NEK11: variants seen among roughly 807,000 people sequenced by gnomAD.
NEK11 encodes the protein serine/threonine-protein kinase Nek11.
Under a neutral mutation model 80.7 loss-of-function variants are expected in NEK11, and 72 were observed. That is an observed-to-expected ratio of 0.89 (90% confidence interval 0.74 to 1.08). The LOEUF (loss-of-function observed/expected upper bound fraction) is 1.08, where lower values mean the gene tolerates loss of function less well. NEK11 is among the 50% of genes least tolerant of loss of function. NEK11 has a pLI of 0.00. For synonymous variants in NEK11, 251 were observed against 260.7 expected (o/e 0.96, Z 0.36); for missense variants, 764 against 763.6 (o/e 1.00, Z -0.01).
intron 17 of NEK11, among the ~76,000 whole-genome samples, chr3:131,332,434 C>A (rs1487332640): frequency 1.5e-4 from 23 of 152,148 alleles, no homozygotes; most frequent in Non-Finnish European, 3.2e-4. Context: ...AACTAACAAA[C>A]AGAAAGGACA....
chr3:131,085,498 G>T lies in NEK11; in HGVS notation c.336+4910G>T, dbSNP rs540446940. Among the ~76,000 whole-genome samples, 6 of 152,274 alleles carry T rather than the reference G, an allele frequency of 3.9e-5. No individual in the cohort carries two copies. The South Asian group carries it at 1.0e-3, about 26-fold the overall frequency. On this transcript the variant is annotated intron_variant, in intron 4 of 17. Transcript: ENST00000383366. ...GAGTGTGGTATGTGTTATGGGAAGG[G>T]TATGGTTAAAGTGCTGTGGGGGTAA...
chr3:131,277,561 C>T (rs182370138), intron 17 of NEK11, among the ~76,000 whole-genome samples: 17 of 152,334 alleles, frequency 1.1e-4, no homozygotes, highest in East Asian at 5.8e-4. Flanking sequence ...ATGACTTTGT[C>T]GTCTCCTCTA....
intron 3 of NEK11, among the ~76,000 whole-genome samples, chr3:131,058,553 T>G (rs1227330802): frequency 6.6e-6 from 1 of 152,176 alleles, no homozygotes; most frequent in African/African-American, 2.4e-5. Context: ...AAGAAAGCTG[T>G]GGGTGTAATA....
chr3:131,307,437 A>T (rs2096734150), intron 17 of NEK11, among the ~76,000 whole-genome samples: 1 of 152,250 alleles, frequency 6.6e-6, no homozygotes. Flanking sequence ...TTGCCAGTTG[A>T]TGCATATGTG....
intron 5 of NEK11, among the ~76,000 whole-genome samples, chr3:131,111,141 A>T (rs928653380): frequency 2.0e-5 from 3 of 152,180 alleles, no homozygotes; most frequent in African/African-American, 7.2e-5. Context: ...TCTATGCACA[A>T]AATACAAAAC....
At chr3:131,091,512 T>C (rs2076725056) in intron 4 of NEK11, among the ~76,000 whole-genome samples, 1 of 152,172 alleles carries the variant, frequency 6.6e-6, no homozygotes, top group Non-Finnish European at 1.5e-5. Flanking sequence ...CAACAATAAA[T>C]GTCACTCAGA....
intron 3 of NEK11, among the ~76,000 whole-genome samples, chr3:131,064,736 A>G (rs1402623215): frequency 1.3e-5 from 2 of 152,186 alleles, no homozygotes; most frequent in African/African-American, 4.8e-5. Flanking sequence ...TCTCAATAAA[A>G]CTGTTAGTAA....
intron 3 of NEK11, among the ~76,000 whole-genome samples, chr3:131,067,282 C>A (rs113299124): frequency 6.6e-6 from 1 of 152,148 alleles, no homozygotes; most frequent in African/African-American, 2.4e-5. Context: ...GCCCCATACA[C>A]GTGCACTGAA....
chr3:131,338,846 T>A (rs1449462158), intron 17 of NEK11, among the ~76,000 whole-genome samples: 1 of 152,186 alleles, frequency 6.6e-6, no homozygotes, highest in Non-Finnish European at 1.5e-5. Flanking sequence ...AGGGAGGACT[T>A]GGTTACAAAA....
At chr3:131,287,270 T>C (rs1202309633) in intron 17 of NEK11, among the ~76,000 whole-genome samples, 1 of 152,058 alleles carries the variant, frequency 6.6e-6, no homozygotes, top group Admixed American at 6.5e-5. Context: ...CAAAGATGTT[T>C]CTTTGTTTGT....
intron 14 of NEK11, among the ~76,000 whole-genome samples, chr3:131,204,607 C>T (rs138124680): frequency 9.3e-5 from 14 of 151,086 alleles, no homozygotes. Context: ...CACATTTGGT[C>T]ACAGGTGTCT....
intron 7 of NEK11, among the ~76,000 whole-genome samples, chr3:131,135,191 AACATTGTCAAGATT>A (rs2085324796): frequency 6.6e-6 from 1 of 152,224 alleles, no homozygotes; most frequent in Non-Finnish European, 1.5e-5. Context: ...AATGGGAGAG[AACATTGTCAAGATT>A]AGGTCTGGGT....
intron 17 of NEK11, among the ~76,000 whole-genome samples, chr3:131,279,949 G>A (rs981989422): frequency 6.6e-6 from 1 of 152,190 alleles, no homozygotes; most frequent in Non-Finnish European, 1.5e-5. Flanking sequence ...TGAACTGCTG[G>A]TTTCCCTGTC....
intron 4 of NEK11, among the ~76,000 whole-genome samples, chr3:131,082,210 T>C (rs1471926586): frequency 6.6e-6 from 1 of 152,218 alleles, no homozygotes; most frequent in Non-Finnish European, 1.5e-5. Context: ...CTGGCAAATA[T>C]GTCACCAATT....
chr3:131,066,568 G>A (rs1044566784), intron 3 of NEK11, among the ~76,000 whole-genome samples: 2 of 152,024 alleles, frequency 1.3e-5, no homozygotes, highest in Non-Finnish European at 2.9e-5. Context: ...GGTGGCTCAC[G>A]CCTGTCTGTA....
chr3:131,223,525 A>G (rs1295469641), intron 14 of NEK11, among the ~76,000 whole-genome samples: 1 of 152,218 alleles, frequency 6.6e-6, no homozygotes, highest in African/African-American at 2.4e-5. Flanking sequence ...TCTGTGTTGT[A>G]GAGATATGAC....
intron 17 of NEK11, among the ~76,000 whole-genome samples, chr3:131,274,632 C>CTTTTTTTTTTTT (rs756861338): frequency 1.1e-4 from 5 of 45,304 alleles, no homozygotes; most frequent in Non-Finnish European, 2.0e-4. Flanking sequence ...TGTTTCCTGA[C>CTTTTTTTTTTTT]TTTTTTTTTT....
At chr3:131,153,879 G>C (rs1243639069) in intron 9 of NEK11, among the ~76,000 whole-genome samples, 4 of 152,164 alleles carry the variant, frequency 2.6e-5, no homozygotes, top group African/African-American at 9.7e-5. Flanking sequence ...ACAGGATACT[G>C]TAAAAATAAG....
chr3:131,246,071 G>A (rs2095598188), intron 16 of NEK11, among the ~76,000 whole-genome samples: 1 of 152,098 alleles, frequency 6.6e-6, no homozygotes, highest in Admixed American at 6.6e-5. Context: ...CCAATGTCCA[G>A]AAGAGTTTTC....
Sources: gnomAD v4.1 joint callset for allele counts (sites outside exome capture counted in the v4.1 genomes callset) on GRCh38, gnomAD v4.1.1 for gene constraint, MANE v1.5 for transcripts, NCBI Gene and HGNC (gene_info 2026-07-23, HGNC 2026-07-21) for gene names.